The following CCDC178 variants were observed in gnomAD, a reference collection of about 807,000 sequenced individuals.
The protein encoded by CCDC178 is coiled-coil domain containing 178, also known as coiled-coil domain-containing protein 178.
CCDC178 carries 126 observed loss-of-function variants against 117.4 expected under a neutral mutation model. The observed-to-expected ratio is 1.07, with a 90% CI of 0.93 to 1.24. The LOEUF is 1.24. Ranked by LOEUF, CCDC178 falls within the 50% of genes most tolerant of loss-of-function variation. The pLI, the probability that CCDC178 is intolerant of heterozygous loss-of-function variation, is 0.00. For missense variants in CCDC178, 1,030 were observed against 986.9 expected (o/e 1.04, Z -0.59); for synonymous variants, 283 against 313.4 (o/e 0.90, Z 1.02).
At chr18:33,124,538 TGTGA>T (rs746455979) in intron 20 of CCDC178, among the ~76,000 whole-genome samples, 11 of 152,230 alleles carry the variant, frequency 7.2e-5, no homozygotes, top group Non-Finnish European at 1.5e-4. Flanking sequence ...CCAGAACATT[TGTGA>T]GTAATGATAA....
At chr18:33,016,069 A>C (rs8093577) in intron 21 of CCDC178, among the ~76,000 whole-genome samples, 23,163 of 152,136 alleles carry the variant, frequency 0.15, 2,627 homozygotes, top group African/African-American at 0.32. Context: ...GTAACCTCTA[A>C]ATATAATAAT....
intron 20 of CCDC178, among the ~76,000 whole-genome samples, chr18:33,147,356 ATTTT>A (rs575608507): frequency 1.9e-4 from 18 of 94,642 alleles, no homozygotes; most frequent in Non-Finnish European, 3.4e-4. Context: ...TGCCTTTTTA[ATTTT>A]TTTTTTTTTT....
chr18:33,335,337 T>G (rs2062725300), intron 9 of CCDC178, among the ~76,000 whole-genome samples: 1 of 152,064 alleles, frequency 6.6e-6, no homozygotes, highest in Non-Finnish European at 1.5e-5. Flanking sequence ...CTTCTAAATG[T>G]TTTTTATTTT....
chr18:33,068,549 A>G (rs1246854904), intron 21 of CCDC178, among the ~76,000 whole-genome samples: 2 of 151,356 alleles, frequency 1.3e-5, no homozygotes, highest in Non-Finnish European at 3.0e-5. Context: ...GATAACATCA[A>G]TAGAATGAAG....
chr18:33,149,300 C>G (rs1317191111), intron 20 of CCDC178, among the ~76,000 whole-genome samples: 1 of 152,148 alleles, frequency 6.6e-6, no homozygotes, highest in East Asian at 1.9e-4. Context: ...TGGAATCTAA[C>G]CAGTTTTAGC....
chr18:33,399,061 G>A (rs1209114769), intron 3 of CCDC178, among the ~76,000 whole-genome samples: 4 of 152,122 alleles, frequency 2.6e-5, no homozygotes, highest in East Asian at 1.9e-4. Context: ...TTAGCTGGAC[G>A]TGGTGGCAGG....
At chr18:32,998,058 A>G (rs1320142304) in intron 21 of CCDC178, among the ~76,000 whole-genome samples, 1 of 152,242 alleles carries the variant, frequency 6.6e-6, no homozygotes, top group Admixed American at 6.5e-5. Context: ...TTCATAGCAC[A>G]GAAAAAGGCA....
At chr18:33,073,943 A>G (rs1315555447) in intron 21 of CCDC178, among the ~76,000 whole-genome samples, 2 of 152,076 alleles carry the variant, frequency 1.3e-5, no homozygotes, top group Non-Finnish European at 2.9e-5. Context: ...GAAGCCATGT[A>G]TGAAAATTTT....
intron 11 of CCDC178, among the ~76,000 whole-genome samples, chr18:33,296,167 A>T (rs1404385326): frequency 1.3e-5 from 2 of 151,894 alleles, no homozygotes; most frequent in African/African-American, 4.8e-5. Flanking sequence ...TATGCTTAAT[A>T]AAAAAAAGCC....
chr18:33,314,979 C>G (rs1431702457), intron 11 of CCDC178, among the ~76,000 whole-genome samples: 3 of 152,170 alleles, frequency 2.0e-5, no homozygotes, highest in African/African-American at 7.2e-5. Flanking sequence ...GGCACCGAAT[C>G]CCCAGAGAAG....
chr18:33,146,425 T>G lies in CCDC178; in HGVS notation c.2239-53515A>C, dbSNP rs1598930196. On this transcript the variant is annotated intron_variant, in intron 20 of 22. Transcript: ENST00000383096. ...AAAACCTATCACTTGGGAGACGAGG[T>G]AGGAAGACTGCTGGAGCTCAGGAGT... Among the ~76,000 whole-genome samples the G allele has an allele frequency of 2.6e-5, 4 of 152,286 alleles. No homozygotes were observed. In the South Asian group the frequency reaches 8.3e-4, roughly 32 times the overall value.
intron 2 of CCDC178, among the ~76,000 whole-genome samples, chr18:33,414,054 A>G (rs751295646): frequency 1.7e-4 from 26 of 152,322 alleles, no homozygotes; most frequent in Admixed American, 6.5e-4. Context: ...AGACAGCATA[A>G]ACTAATCCAA....
intron 21 of CCDC178, among the ~76,000 whole-genome samples, chr18:33,055,107 T>C (rs1300970207): frequency 2.0e-5 from 3 of 152,198 alleles, no homozygotes; most frequent in African/African-American, 7.2e-5. Flanking sequence ...GTCCTTTGCC[T>C]ACTTTTTAAT....
At chr18:33,249,198 T>C (rs1269997702) in intron 14 of CCDC178, among the ~76,000 whole-genome samples, 4 of 152,132 alleles carry the variant, frequency 2.6e-5, no homozygotes, top group Non-Finnish European at 4.4e-5. Flanking sequence ...TTGCAAAAAT[T>C]TTCTCCCATT....
At chr18:33,429,086 A>G (rs978080291) in intron 2 of CCDC178, among the ~76,000 whole-genome samples, 3 of 152,080 alleles carry the variant, frequency 2.0e-5, no homozygotes, top group African/African-American at 4.8e-5. Flanking sequence ...CATAACACCA[A>G]AATCACAAAA....
chr18:33,087,033 GAC>G lies in CCDC178; in HGVS notation c.2388+5726_2388+5727del, dbSNP rs35149990. ...ACACACAACAAAATAGCCATTGGTT[GAC>G]ACACACACACACACACACACACGAA... On this transcript the variant is annotated intron_variant, in intron 21 of 22. Coordinates refer to ENST00000383096, the MANE Select transcript of CCDC178 (RefSeq NM_001105528.4). 5.6e-3 allele frequency among the ~76,000 whole-genome samples: 740 copies of G among 133,056 alleles called. 3 individuals are homozygous for G. The highest frequency in any genetic ancestry group is 0.025 in the South Asian group (101 of 4,034). 87.3% of individuals were successfully genotyped at this position (133,056 alleles called of 152,430 possible).
intron 21 of CCDC178, among the ~76,000 whole-genome samples, chr18:33,043,399 G>GA (rs1567951931): frequency 6.6e-6 from 1 of 152,026 alleles, no homozygotes; most frequent in East Asian, 1.9e-4. Flanking sequence ...TCTGGAACCA[G>GA]AGTGCTTCAA....
At chr18:33,329,374 T>C (rs2062632572) in intron 10 of CCDC178, among the ~76,000 whole-genome samples, 1 of 152,186 alleles carries the variant, frequency 6.6e-6, no homozygotes, top group African/African-American at 2.4e-5. Flanking sequence ...TTTATGATCC[T>C]AGAGGAAAAG....
rs2063861459 is a variant in CCDC178 at position 33,412,014 on chromosome 18, A to G, written c.58+17T>C. ...TATGAACTATTTTCAAAGAAAATCA[A>G]TTTATGATAAACTTACCTATATTGG... On this transcript the variant is annotated intron_variant, in intron 3 of 22. Transcript: ENST00000383096. 1.5e-6 allele frequency: 2 copies of G among 1,322,446 alleles called. No homozygotes were observed. Among genetic ancestry groups the G allele is most frequent in the Admixed American group, 4.0e-5 (2 of 50,540 alleles). The allele number at this position is 1,322,446 out of a possible 1,614,324, so 81.9% of individuals were successfully genotyped here. A position where few individuals can be genotyped will look rare whatever the true frequency, so the allele number is the denominator to read the frequency against.
Sources: allele counts gnomAD v4.1 joint callset (sites outside exome capture counted in the v4.1 genomes callset), GRCh38; gene constraint gnomAD v4.1.1; transcripts MANE v1.5; gene names NCBI Gene and HGNC (gene_info 2026-07-23, HGNC 2026-07-21).